HEMK2: variants seen among roughly 807,000 people sequenced by gnomAD.
The protein encoded by HEMK2 is methyltransferase HEMK2.
chr21:28,854,612 G>A, the HEMK2 span, among the ~76,000 whole-genome samples: 1 of 152,212 alleles, frequency 6.6e-6, no homozygotes, highest in African/African-American at 2.4e-5. Context: ...TGAGGAGCAA[G>A]GAGAGCCAGT....
At chr21:28,868,130 G>C in the HEMK2 span, among the ~76,000 whole-genome samples, 2 of 151,874 alleles carry the variant, frequency 1.3e-5, no homozygotes, top group Non-Finnish European at 2.9e-5. Flanking sequence ...ATTTATCTTT[G>C]GGTCAATATA....
At chr21:28,791,771 A>G in the HEMK2 span, among the ~76,000 whole-genome samples, 1 of 152,074 alleles carries the variant, frequency 6.6e-6, no homozygotes, top group Non-Finnish European at 1.5e-5. Flanking sequence ...TGCCCAAATT[A>G]CCAGAGTGAC....
the HEMK2 span, among the ~76,000 whole-genome samples, chr21:28,819,207 G>T: frequency 4.0e-4 from 61 of 151,256 alleles, no homozygotes; most frequent in Non-Finnish European, 7.2e-4. Context: ...GGATACCCAT[G>T]ACGTAAGGAT....
chr21:28,823,641 T>C, the HEMK2 span, among the ~76,000 whole-genome samples: 13 of 152,300 alleles, frequency 8.5e-5, no homozygotes, highest in South Asian at 2.5e-3. Flanking sequence ...TAGAGATGTA[T>C]ACTGAGCTCT....
the HEMK2 span, among the ~76,000 whole-genome samples, chr21:28,603,740 A>T: frequency 6.6e-6 from 1 of 152,212 alleles, no homozygotes; most frequent in East Asian, 1.9e-4. Context: ...ATCCTGCTAC[A>T]ACATCACTCC....
At chr21:28,736,564 C>G in the HEMK2 span, among the ~76,000 whole-genome samples, 6 of 152,182 alleles carry the variant, frequency 3.9e-5, no homozygotes, top group African/African-American at 1.4e-4. Context: ...CGAGGCCAGC[C>G]TGGCCAACAT....
the HEMK2 span, among the ~76,000 whole-genome samples, chr21:28,706,135 G>A: frequency 1.1e-4 from 16 of 152,198 alleles, no homozygotes; most frequent in Admixed American, 9.8e-4. Flanking sequence ...CATTCTACAC[G>A]GACAAAGTCA....
the HEMK2 span, among the ~76,000 whole-genome samples, chr21:28,595,846 G>A: frequency 1.3e-5 from 2 of 151,788 alleles, no homozygotes; most frequent in African/African-American, 4.8e-5. Flanking sequence ...GTGCAGTGGC[G>A]CGATCTTGGC....
chr21:28,779,044 A>G, the HEMK2 span, among the ~76,000 whole-genome samples: 5 of 152,220 alleles, frequency 3.3e-5, no homozygotes, highest in Non-Finnish European at 7.4e-5. Flanking sequence ...CATTAAAATT[A>G]GCCTCCTTAA....
chr21:28,584,421 GATAA>G, the HEMK2 span, among the ~76,000 whole-genome samples: 1 of 152,114 alleles, frequency 6.6e-6, no homozygotes, highest in Non-Finnish European at 1.5e-5. Flanking sequence ...AATTGAGGAA[GATAA>G]ATAATTAAAT....
chr21:28,848,724 T>C, the HEMK2 span, among the ~76,000 whole-genome samples: 1 of 152,242 alleles, frequency 6.6e-6, no homozygotes, highest in Non-Finnish European at 1.5e-5. Context: ...ATTATGTTTA[T>C]AAAATTTCCT....
chr21:28,689,221 T>A, the HEMK2 span, among the ~76,000 whole-genome samples: 1 of 152,212 alleles, frequency 6.6e-6, no homozygotes, highest in African/African-American at 2.4e-5. Context: ...GCATCCACTA[T>A]AAAGAATATC....
the HEMK2 span, among the ~76,000 whole-genome samples, chr21:28,668,517 A>G: frequency 6.6e-6 from 1 of 152,334 alleles, no homozygotes; most frequent in East Asian, 1.9e-4. Context: ...AACGACATAA[A>G]CAAATTGAAA....
At chr21:28,862,249 C>A in the HEMK2 span, among the ~76,000 whole-genome samples, 6 of 152,192 alleles carry the variant, frequency 3.9e-5, no homozygotes, top group East Asian at 1.9e-4. Context: ...ATGACCCAGA[C>A]CCTTCAGGAA....
the HEMK2 span, among the ~76,000 whole-genome samples, chr21:28,663,173 G>A: frequency 2.6e-5 from 4 of 152,180 alleles, no homozygotes; most frequent in African/African-American, 9.7e-5. Context: ...GACGCTGGAA[G>A]AAAGACATAA....
the HEMK2 span, among the ~76,000 whole-genome samples, chr21:28,868,909 C>T: frequency 2.0e-5 from 3 of 152,088 alleles, no homozygotes; most frequent in East Asian, 5.8e-4. Flanking sequence ...TAAATATTTT[C>T]TTGGTAAATA....
chr21:28,779,914 G>C, the HEMK2 span, among the ~76,000 whole-genome samples: 1 of 152,100 alleles, frequency 6.6e-6, no homozygotes, highest in South Asian at 2.1e-4. Flanking sequence ...TGAGATTAAT[G>C]CTGCTGTTTC....
At chr21:28,640,826 T>C in the HEMK2 span, among the ~76,000 whole-genome samples, 1 of 152,230 alleles carries the variant, frequency 6.6e-6, no homozygotes, top group Non-Finnish European at 1.5e-5. Flanking sequence ...CATCCACTTC[T>C]AATTAACATT....
At chr21:28,747,923 A>G in the HEMK2 span, among the ~76,000 whole-genome samples, 5 of 152,248 alleles carry the variant, frequency 3.3e-5, no homozygotes, top group Non-Finnish European at 7.3e-5. Flanking sequence ...TTATGAGAAC[A>G]TCAGAGGAGC....
Sources: allele counts gnomAD v4.1 joint callset (sites outside exome capture counted in the v4.1 genomes callset), GRCh38; gene constraint gnomAD v4.1.1; transcripts MANE v1.5; gene names NCBI Gene and HGNC (gene_info 2026-07-23, HGNC 2026-07-21).